SPEN: variants seen among roughly 807,000 people sequenced by gnomAD.
SPEN encodes msx2-interacting protein.
Under a neutral mutation model 269.9 loss-of-function variants are expected in SPEN, and 18 were observed. The ratio of observed to expected loss-of-function variants is 0.07; its 90% CI spans 0.05 to 0.10. SPEN has a LOEUF of 0.10. Ranked by LOEUF, SPEN falls within the 10% of genes least tolerant of loss-of-function variation. The probability of loss-of-function intolerance (pLI) is 1.00; values close to 1 mark genes in which losing one functional copy is unlikely to be tolerated. For missense variants in SPEN, 3,822 were observed against 4,631.2 expected (o/e 0.83, Z 5.07); for synonymous variants, 1,726 against 1,765.7 (o/e 0.98, Z 0.56).
Position 15,911,196 on chromosome 1 carries a change from C to G in SPEN, c.1138C>G (p.Leu380Val). The change falls in exon 5 of 15, where the codon CTG becomes GTG. Residue 380 changes from leucine (L) to valine (V), a missense_variant. Physicochemically the swap from Leu to Val is conservative, Grantham distance 32. Around this residue, in one of 16 missense-constraint regions of SPEN, gnomAD observed 230 missense variants for 426.1 expected, o/e 0.54. Coordinates refer to ENST00000375759, the MANE Select transcript of SPEN (RefSeq NM_015001.3). ...IHGTSEERYG[L>V]VFFRQQEDQE... ...TGGAACTTCAGAAGAGAGGTATGGT[C>G]TGGTATTCTTTCGGCAGCAAGAGGA... 1 of 1,613,998 alleles carries G rather than the reference C, an allele frequency of 6.2e-7. No individual in the cohort carries two copies. The highest frequency in any genetic ancestry group is 8.5e-7 in the Non-Finnish European group (1 of 1,179,972).
intron 1 of SPEN, among the ~76,000 whole-genome samples, chr1:15,860,378 GGTGTGTGTGTGTGTGT>G (rs60005872): frequency 8.3e-6 from 1 of 121,162 alleles, no homozygotes; most frequent in African/African-American, 3.2e-5. Flanking sequence ...TAGCTTCAGA[GGTGTGTGTGTGTGTGT>G]GTGTGTGTGT....
Position 15,929,259 on chromosome 1 carries a change from C to T in SPEN, c.3019C>T (p.Pro1007Ser). The T allele has an allele frequency of 6.2e-7, 1 of 1,614,036 alleles. No individual in the cohort carries two copies. The highest frequency in any genetic ancestry group is 8.5e-7 in the Non-Finnish European group (1 of 1,180,016). The change falls in exon 11 of 15, where the codon CCA becomes TCA. Residue 1007 changes from proline to serine, a missense_variant. Coordinates refer to ENST00000375759, the MANE Select transcript of SPEN (RefSeq NM_015001.3). The surrounding 1 kb of genome is among the most constrained non-coding windows in gnomAD (Gnocchi z 5.8). ...AAAACCAGAGGTCAAGAAAAGCAGT[C>T]CAGAGATGGAGGATGCTCGCGTGCT... is the stretch of plus-strand genomic sequence containing the variant. The part of the protein sequence containing the change: ...KQKPEVKKSS[P>S]EMEDARVLSK...
Position 15,909,623 on chromosome 1 carries a change from C to A in SPEN, c.1042+142C>A, listed in dbSNP as rs139880163. 2.1e-4 allele frequency: 188 copies of A among 905,956 alleles called. 1 individual carries two copies. In the African/African-American group the frequency reaches 3.0e-3, roughly 14 times the overall value. The allele number at this position is 905,956 out of a possible 1,614,324, so 56.1% of individuals were successfully genotyped here. On this transcript the variant is annotated intron_variant, in intron 4 of 14. Transcript: ENST00000375759. ...ATATTAACGTTTTAAATGAGGAAAG[C>A]CATGAATAATGGAAAAGTCTGCTTA...
At chr1:15,903,253 G>A (rs2070920549) in intron 3 of SPEN, among the ~76,000 whole-genome samples, 2 of 152,142 alleles carry the variant, frequency 1.3e-5, no homozygotes, top group South Asian at 4.1e-4. Flanking sequence ...ATTAAGAATT[G>A]TTATGTAACC....
At chr1:15,922,832 T>C (rs1327992075) in intron 10 of SPEN, among the ~76,000 whole-genome samples, 6 of 152,140 alleles carry the variant, frequency 3.9e-5, no homozygotes, top group Non-Finnish European at 1.5e-5. Context: ...TAGGCTGGTC[T>C]TGAACTCCTG....
At chr1:15,906,248 A>G (rs2070954426) in intron 3 of SPEN, among the ~76,000 whole-genome samples, 1 of 152,126 alleles carries the variant, frequency 6.6e-6, no homozygotes, top group African/African-American at 2.4e-5. Flanking sequence ...TTGCTGGATG[A>G]TCAGCAAACA....
intron 1 of SPEN, among the ~76,000 whole-genome samples, chr1:15,868,098 C>T (rs1044898913): frequency 3.3e-5 from 5 of 151,758 alleles, no homozygotes; most frequent in Non-Finnish European, 5.9e-5. Context: ...TCTCCCAAAG[C>T]GTTGGGATTC....
In SPEN at chr1:15,932,045, G is replaced by T. The variant is rs1231792930; in HGVS notation, c.5805G>T (p.Glu1935Asp). The stretch of plus-strand genomic sequence containing the variant: ...CAAGAGTGACCAGAAAGAGATTGGA[G>T]CGAGAGCTTCAGGAGGCTGCAGCGG... ...EQPRVTRKRL[E>D]RELQEAAAVP... The change falls in exon 11 of 15, where the codon GAG (glutamate) becomes GAT (aspartate). Residue 1935 changes from glutamate to aspartate, a missense_variant. By Grantham distance (45) the Glu-to-Asp change is conservative. This residue lies in a region of SPEN where 533 missense variants were observed against 618.8 expected (regional missense o/e 0.86). Transcript: ENST00000375759. The surrounding 1 kb of genome is among the most constrained non-coding windows in gnomAD (Gnocchi z 4.2). 3 of 1,614,120 alleles carry T rather than the reference G, an allele frequency of 1.9e-6. No individual in the cohort carries two copies. The highest frequency in any genetic ancestry group is 1.7e-5 in the Admixed American group (1 of 60,014).
At chr1:15,922,382 G>A in intron 10 of SPEN, 33 bp downstream of exon 10, 1 of 1,368,408 alleles carries the variant, frequency 7.3e-7, no homozygotes, top group African/African-American at 1.5e-5. Flanking sequence ...TGTAGCTTGA[G>A]TTTTAATAGT....
intron 1 of SPEN, among the ~76,000 whole-genome samples, chr1:15,850,962 T>C (rs914277633): frequency 1.3e-5 from 2 of 152,214 alleles, no homozygotes; most frequent in Non-Finnish European, 2.9e-5. Context: ...GAATACATTA[T>C]ATAAAACGTT....
chr1:15,857,225 C>T (rs1001000940), intron 1 of SPEN, among the ~76,000 whole-genome samples: 2 of 152,078 alleles, frequency 1.3e-5, no homozygotes, highest in Non-Finnish European at 2.9e-5. Flanking sequence ...CCACCATACT[C>T]GGCTAATTTT....
intron 3 of SPEN, among the ~76,000 whole-genome samples, chr1:15,909,000 C>CTAT (rs1283771951): frequency 6.6e-6 from 1 of 151,554 alleles, no homozygotes; most frequent in Non-Finnish European, 1.5e-5. Flanking sequence ...CATATACGCA[C>CTAT]TATTATTATT....
intron 3 of SPEN, among the ~76,000 whole-genome samples, chr1:15,894,536 GTT>G (rs766111268): frequency 3.5e-4 from 35 of 100,396 alleles, no homozygotes; most frequent in African/African-American, 1.5e-3. Flanking sequence ...TATTATGGTT[GTT>G]TTTTTTTTTT....
chr1:15,860,003 C>T (rs1240612764), intron 1 of SPEN, among the ~76,000 whole-genome samples: 2 of 148,834 alleles, frequency 1.3e-5, no homozygotes, highest in Non-Finnish European at 3.0e-5. Flanking sequence ...GCTCCACCTC[C>T]CGGGTTCATG....
intron 1 of SPEN, among the ~76,000 whole-genome samples, chr1:15,850,985 G>A (rs2070330198): frequency 6.6e-6 from 1 of 152,148 alleles, no homozygotes; most frequent in Admixed American, 6.5e-5. Context: ...CAAGATGAAT[G>A]TTCTCTTAAC....
chr1:15,896,954 C>T (rs1397308698), intron 3 of SPEN, among the ~76,000 whole-genome samples: 1 of 152,030 alleles, frequency 6.6e-6, no homozygotes, highest in Non-Finnish European at 1.5e-5. Context: ...GATGACAGAG[C>T]GAGACCTTGT....
In SPEN at chr1:15,911,084, T is replaced by A. The variant is rs1157336338; in HGVS notation, c.1043-17T>A. The A allele has an allele frequency of 6.3e-7, 1 of 1,586,000 alleles. No homozygotes were observed. Among genetic ancestry groups the A allele is most frequent in the Admixed American group, 1.9e-5 (1 of 53,688 alleles). On this transcript the variant is annotated splice_polypyrimidine_tract_variant and intron_variant, in intron 4 of 14. Coordinates refer to ENST00000375759, the MANE Select transcript of SPEN (RefSeq NM_015001.3). ...AAATTAGAAGAATTAATAACTTGGTTTTTTTTGGGAATTTAGATACAAGCC... is the reference window on the plus strand; with the variant it reads ...AAATTAGAAGAATTAATAACTTGGTATTTTTTGGGAATTTAGATACAAGCC...
chr1:15,930,779 G>C lies in SPEN; in HGVS notation c.4539G>C (p.Glu1513Asp). ...DSEGKMDDKK[E>D]DHKEEEQERQ... Reference sequence around the variant, plus strand: ...AAGGGAAAATGGATGATAAGAAAGAGGACCATAAAGAAGAAGAGCAAGAGA... The same window carrying C: ...AAGGGAAAATGGATGATAAGAAAGACGACCATAAAGAAGAAGAGCAAGAGA... The change falls in exon 11 of 15, where the codon GAG becomes GAC. Residue 1513 changes from glutamate (E) to aspartate (D), a missense_variant. Transcript: ENST00000375759. The surrounding 1 kb of genome is among the most constrained non-coding windows in gnomAD (Gnocchi z 5.3). 2.5e-6 allele frequency: 4 copies of C among 1,614,138 alleles called. No homozygotes were observed. In the African/African-American group the frequency reaches 4.0e-5, roughly 16 times the overall value.
intron 5 of SPEN, among the ~76,000 whole-genome samples, chr1:15,915,690 A>G (rs769411404): frequency 6.6e-6 from 1 of 152,026 alleles, no homozygotes; most frequent in Non-Finnish European, 1.5e-5. Flanking sequence ...GTGCGCCACC[A>G]TACTTGGCTA....
Sources: allele counts gnomAD v4.1 joint callset (sites outside exome capture counted in the v4.1 genomes callset), GRCh38; gene constraint gnomAD v4.1.1; regional missense constraint gnomAD v4.1.1; non-coding constraint Gnocchi (gnomAD v3.1); transcripts MANE v1.5; gene names NCBI Gene and HGNC (gene_info 2026-07-23, HGNC 2026-07-21).